Variants in BAZ2B observed in about 807,000 individuals in gnomAD.
BAZ2B encodes bromodomain adjacent to zinc finger domain 2B.
In BAZ2B, 91 loss-of-function variants were observed where a neutral mutation model predicts 246.0. The observed-to-expected ratio is 0.37, with a 90% confidence interval of 0.31 to 0.44. The LOEUF (loss-of-function observed/expected upper bound fraction) is 0.44, where lower values mean the gene tolerates loss of function less well. BAZ2B is among the 20% of genes least tolerant of loss of function. The pLI, the probability that BAZ2B is intolerant of heterozygous loss-of-function variation, is 1.00. For missense variants in BAZ2B, 2,332 were observed against 2,533.7 expected (o/e 0.92, Z 1.71); for synonymous variants, 855 against 860.0 (o/e 0.99, Z 0.10).
At chr2:159,436,201 G>A (rs1251818675) in intron 8 of BAZ2B, among the ~76,000 whole-genome samples, 2 of 151,808 alleles carry the variant, frequency 1.3e-5, no homozygotes, top group Non-Finnish European at 2.9e-5. Context: ...AGGTCTAAAG[G>A]GCCATGAAAA....
chr2:159,697,791 G>A, the BAZ2B span, among the ~76,000 whole-genome samples: 2 of 151,904 alleles, frequency 1.3e-5, no homozygotes, highest in African/African-American at 2.4e-5. Context: ...TTTTAATAAA[G>A]ACATTTCTTT....
chr2:159,675,177 G>C, the BAZ2B span, among the ~76,000 whole-genome samples: 1 of 151,950 alleles, frequency 6.6e-6, no homozygotes, highest in Non-Finnish European at 1.5e-5. Context: ...CTGGGTGGGA[G>C]AATCACTTGA....
chr2:159,704,816 C>T, the BAZ2B span, among the ~76,000 whole-genome samples: 13 of 152,192 alleles, frequency 8.5e-5, no homozygotes, highest in South Asian at 2.3e-3. Context: ...CATTCTCCTG[C>T]CTCAGCCTCC....
chr2:159,380,435 G>A (rs1041107880), intron 25 of BAZ2B, among the ~76,000 whole-genome samples: 2 of 152,120 alleles, frequency 1.3e-5, no homozygotes, highest in African/African-American at 2.4e-5. Context: ...ATATCACACT[G>A]CTTTAACACT....
At chr2:159,703,915 C>G in the BAZ2B span, among the ~76,000 whole-genome samples, 2 of 152,044 alleles carry the variant, frequency 1.3e-5, no homozygotes, top group African/African-American at 4.8e-5. Flanking sequence ...TCAAAGATAA[C>G]AATATTCAAA....
At chr2:159,386,177 A>G (rs1263758805) in intron 22 of BAZ2B, among the ~76,000 whole-genome samples, 176 bp downstream of exon 22, 1 of 152,160 alleles carries the variant, frequency 6.6e-6, no homozygotes, top group Non-Finnish European at 1.5e-5. Context: ...CTTAAGCTTT[A>G]TAACCAGGTT....
At chr2:159,450,540 A>G (rs2074931906) in intron 4 of BAZ2B, among the ~76,000 whole-genome samples, 1 of 152,190 alleles carries the variant, frequency 6.6e-6, no homozygotes, top group Admixed American at 6.5e-5. Flanking sequence ...AAACTTTACA[A>G]ATGTCTGATA....
the BAZ2B span, among the ~76,000 whole-genome samples, chr2:159,655,909 T>C: frequency 4.6e-5 from 7 of 152,188 alleles, no homozygotes. Flanking sequence ...ATTTTCAACA[T>C]ATTTTTAATA....
chr2:159,699,283 T>C, the BAZ2B span, among the ~76,000 whole-genome samples: 2 of 152,280 alleles, frequency 1.3e-5, no homozygotes, highest in South Asian at 2.1e-4. Context: ...TGGCTCAAGC[T>C]TATAATCCCA....
At chr2:159,464,348 C>G (rs1415036501) in intron 3 of BAZ2B, 1 of 152,084 alleles carries the variant, frequency 6.6e-6, no homozygotes, top group Admixed American at 6.5e-5. Flanking sequence ...CTGAAGTGTA[C>G]TGGTCAGAGG....
Position 159,389,329 on chromosome 2 carries a change from A to C in BAZ2B, c.3216+16T>G. On this transcript the variant is annotated intron_variant, in intron 21 of 36. Coordinates refer to ENST00000392783, the MANE Select transcript of BAZ2B (RefSeq NM_013450.4). ...TAAACTTATGAATGAAATGGTGTAC[A>C]TGACGTATAAATTACCTTTTGGTCT... The C allele has an allele frequency of 6.4e-7, 1 of 1,573,346 alleles. No individual in the cohort carries two copies. Among genetic ancestry groups the C allele is most frequent in the Non-Finnish European group, 8.6e-7 (1 of 1,163,786 alleles).
intron 1 of BAZ2B, among the ~76,000 whole-genome samples, chr2:159,559,549 G>T (rs1016221835): frequency 6.6e-6 from 1 of 152,090 alleles, no homozygotes; most frequent in Non-Finnish European, 1.5e-5. Context: ...GTTAAGGATA[G>T]ATCTACAGTT....
At position 159,616,341 on chromosome 2, in the gene BAZ2B, CTAT is replaced by C. The variant is rs1696103746; in HGVS notation, c.-148_-146del. On this transcript the variant is annotated 5_prime_UTR_variant, in exon 1 of 37. Transcript: ENST00000392783. ...TGGAAACCCCACCACCTCCTTATTT[CTAT>C]TATTATTTCTGCAAGAAAAGTATAA... is the stretch of plus-strand genomic sequence containing the variant. 6.6e-6 allele frequency: 1 copy of C among 152,160 alleles called. No homozygotes were observed. The highest frequency in any genetic ancestry group is 2.4e-5 in the African/African-American group (1 of 41,438). 9.4% of individuals were successfully genotyped at this position (152,160 alleles called of 1,614,324 possible). A position where few individuals can be genotyped will look rare whatever the true frequency, so the allele number is the denominator to read the frequency against.
chr2:159,342,119 G>C (rs1040576131), intron 31 of BAZ2B, among the ~76,000 whole-genome samples: 11 of 152,126 alleles, frequency 7.2e-5, no homozygotes, highest in Non-Finnish European at 1.6e-4. Flanking sequence ...CAGCCAACCA[G>C]GGAGGTGAAA....
the BAZ2B span, among the ~76,000 whole-genome samples, chr2:159,674,965 T>A: frequency 6.6e-6 from 1 of 152,206 alleles, no homozygotes; most frequent in Non-Finnish European, 1.5e-5. Flanking sequence ...TTTTGTATGA[T>A]TTTGTATTTG....
chr2:159,355,218 C>T (rs988032557), intron 27 of BAZ2B, among the ~76,000 whole-genome samples: 1 of 152,152 alleles, frequency 6.6e-6, no homozygotes, highest in Non-Finnish European at 1.5e-5. Flanking sequence ...ATGGCCCCTT[C>T]CTAGGGTTCA....
At chr2:159,417,281 C>T (rs2067902702) in intron 13 of BAZ2B, among the ~76,000 whole-genome samples, 1 of 151,726 alleles carries the variant, frequency 6.6e-6, no homozygotes, top group South Asian at 2.1e-4. Flanking sequence ...AGTGATTCTC[C>T]TGCCTCAGCC....
At chr2:159,590,269 C>CAAA (rs34798154) in intron 1 of BAZ2B, among the ~76,000 whole-genome samples, 5 of 69,316 alleles carry the variant, frequency 7.2e-5, no homozygotes, top group Non-Finnish European at 1.1e-4. Context: ...ATCTTCCACT[C>CAAA]AAAAAAAAAA....
At chr2:159,639,880 A>C in the BAZ2B span, among the ~76,000 whole-genome samples, 56 of 152,220 alleles carry the variant, frequency 3.7e-4, 1 homozygote, top group African/African-American at 1.3e-3. Context: ...TAAATAGACT[A>C]AACTCTCCAA....
Sources: allele counts gnomAD v4.1 joint callset (sites outside exome capture counted in the v4.1 genomes callset), GRCh38; gene constraint gnomAD v4.1.1; transcripts MANE v1.5; gene names NCBI Gene and HGNC (gene_info 2026-07-23, HGNC 2026-07-21).